MYH7B: variants seen among roughly 807,000 people sequenced by gnomAD.
MYH7B encodes the protein myosin-7B.
Under a neutral mutation model 234.5 loss-of-function variants are expected in MYH7B, and 205 were observed. That is an observed-to-expected ratio of 0.87 (90% CI 0.78 to 0.98). The LOEUF (loss-of-function observed/expected upper bound fraction) is 0.98, where lower values mean the gene tolerates loss of function less well. Among genes scored for constraint, MYH7B ranks in the 50% least tolerant of loss-of-function variants. The pLI is 0.00. For synonymous variants in MYH7B, 1,193 were observed against 1,105.0 expected, an observed-to-expected ratio of 1.08 and a Z score of -1.58; for missense variants, 2,652 against 2,633.4, an observed-to-expected ratio of 1.01 and a Z score of -0.15.
intron 2 of MYH7B, among the ~76,000 whole-genome samples, chr20:34,964,974 G>A (rs1279486396): frequency 6.7e-6 from 1 of 148,222 alleles, no homozygotes; most frequent in Non-Finnish European, 1.5e-5. Flanking sequence ...ACTCTTATGT[G>A]CCAGGCACTT....
exon 42 of MYH7B, chr20:35,001,280 G>A: frequency 6.2e-7 from 1 of 1,612,990 alleles, no homozygotes; most frequent in Admixed American, 1.7e-5. Context: ...ATGCAGAGCA[G>A]AAGAAGCACG....
chr20:34,998,479 C>T (rs756158639), intron 33 of MYH7B, 32 bp from the exon 34 acceptor site: 7 of 1,612,360 alleles, frequency 4.3e-6, no homozygotes, highest in Admixed American at 1.7e-5. Context: ...CCCTCACCAG[C>T]CTGACCTGTC....
chr20:34,997,303 C>A (rs754073179), exon 32 of MYH7B: 23 of 1,553,772 alleles, frequency 1.5e-5, no homozygotes, highest in Non-Finnish European at 2.0e-5. Flanking sequence ...GCAGCCCGGG[C>A]CCGCGTGGAG....
At chr20:34,998,775 G>C in exon 35 of MYH7B, 2 of 1,613,008 alleles carry the variant, frequency 1.2e-6, no homozygotes, top group Non-Finnish European at 1.7e-6. Context: ...GTGACCTCCT[G>C]CGGGAGCAAC....
In MYH7B at chr20:34,984,723, T is replaced by C; in HGVS notation, c.648+8T>C. 6.2e-7 allele frequency: 1 copy of C among 1,606,406 alleles called. No homozygotes were observed. The highest frequency in any genetic ancestry group is 1.7e-5 in the Admixed American group (1 of 57,170). ...CTGGCAACAAAGACGGGGGTGAGTA[T>C]GGGGCCAATGTCAATGGGGCAGCCC... is the stretch of plus-strand genomic sequence containing the variant. On this transcript the variant is annotated splice_region_variant and intron_variant, in intron 11 of 44. Transcript: ENST00000262873.
intron 19 of MYH7B, among the ~76,000 whole-genome samples, chr20:34,989,085 C>T (rs1262636253): frequency 6.6e-6 from 1 of 152,236 alleles, no homozygotes; most frequent in Non-Finnish European, 1.5e-5. Flanking sequence ...GCTGGGATTA[C>T]AGGCGTGGGC....
In MYH7B at chr20:34,975,518, G is replaced by T. The variant is rs1300337512; in HGVS notation, c.-122+19G>T. The T allele has an allele frequency of 1.4e-6, 1 of 709,706 alleles. No individual in the cohort carries two copies. The highest frequency in any genetic ancestry group is 1.5e-5 in the South Asian group (1 of 66,260). 44.0% of individuals were successfully genotyped at this position (709,706 alleles called of 1,614,324 possible). On this transcript the variant is annotated intron_variant, in intron 3 of 44. Coordinates refer to ENST00000262873, the Ensembl canonical transcript of MYH7B. ...ACATGAGGTACTGTGCCTGACCCAG[G>T]GTATGTTTACTTTGAGAAAATTCAT...
At chr20:34,990,893 G>C in intron 23 of MYH7B, 68 bp downstream of exon 23, 4 of 1,590,266 alleles carry the variant, frequency 2.5e-6, no homozygotes, top group Non-Finnish European at 3.5e-6. Context: ...GCAGAGGCCG[G>C]GAGGCTGAGT....
chr20:34,999,593 C>T (rs1478335489), exon 37 of MYH7B: 1 of 1,612,156 alleles, frequency 6.2e-7, no homozygotes, highest in South Asian at 1.1e-5. Flanking sequence ...ACCTCACAGA[C>T]CAGGTGAGTC....
intron 27 of MYH7B, among the ~76,000 whole-genome samples, 159 bp from the exon 28 acceptor site, chr20:34,995,177 C>G (rs1306215470): frequency 1.3e-5 from 2 of 152,240 alleles, no homozygotes; most frequent in African/African-American, 2.4e-5. Flanking sequence ...TGCGCTATTG[C>G]CCTTCCATGC....
At chr20:34,990,770 G>A in exon 23 of MYH7B, 1 of 1,614,126 alleles carries the variant, frequency 6.2e-7, no homozygotes, top group East Asian at 2.2e-5. Context: ...CCAACCTGCG[G>A]GCCACACAGC....
intron 17 of MYH7B, 23 bp from the exon 18 acceptor site, chr20:34,987,742 G>C (rs1374985345): frequency 6.2e-7 from 1 of 1,613,864 alleles, no homozygotes; most frequent in Non-Finnish European, 8.5e-7. Context: ...CCAGGTCCCA[G>C]CCCAGCCTCC....
At position 35,000,575 on chromosome 20, in the gene MYH7B, G is replaced by A; in HGVS notation, c.5064G>A (p.Leu1688=). 1.9e-6 allele frequency: 3 copies of A among 1,570,070 alleles called. No individual in the cohort carries two copies. The highest frequency in any genetic ancestry group is 2.6e-6 in the Non-Finnish European group (3 of 1,163,170). Residue 1688 remains leucine, a synonymous_variant, in exon 39 of 45, where the codon CTG becomes CTA. Transcript: ENST00000262873. ...CTCTGGAGCGCCGGGCCTCGCTGCT[G>A]GCTGCGGAGCTGGAGGAGCTGCGGG... is the stretch of plus-strand genomic sequence containing the variant.
chr20:34,963,873 A>T (rs1255014165), intron 2 of MYH7B, among the ~76,000 whole-genome samples: 1 of 152,120 alleles, frequency 6.6e-6, no homozygotes. Context: ...ATTCTTGTGC[A>T]GCTTGCTTTT....
In MYH7B at chr20:35,001,531, G is replaced by A. The variant is rs777506489; in HGVS notation, c.5676+5G>A. ...AAGCGCCAGTTTGAGGAGGCGGTGA[G>A]TGCGCTGGGGCCTGGACACCTGGAC... is the stretch of plus-strand genomic sequence containing the variant. On this transcript the variant is annotated splice_donor_5th_base_variant and intron_variant, in intron 43 of 44. Transcript: ENST00000262873. The A allele has an allele frequency of 2.5e-6, 4 of 1,598,698 alleles. No individual in the cohort carries two copies. In the Admixed American group the frequency reaches 6.9e-5, roughly 28 times the overall value.
chr20:34,999,530 C>T (rs1307736455), intron 36 of MYH7B, 41 bp from the exon 37 acceptor site: 2 of 1,556,642 alleles, frequency 1.3e-6, no homozygotes, highest in African/African-American at 2.7e-5. Flanking sequence ...GGTGGGAGTA[C>T]AAGCCATGGG....
At chr20:34,983,842 G>A (rs1221443474) in intron 10 of MYH7B, among the ~76,000 whole-genome samples, 1 of 152,188 alleles carries the variant, frequency 6.6e-6, no homozygotes, top group Non-Finnish European at 1.5e-5. Context: ...AGTCCGTGGT[G>A]GTATATCTGT....
chr20:34,997,614 A>T, exon 32 of MYH7B: 1 of 1,613,630 alleles, frequency 6.2e-7, no homozygotes, highest in Non-Finnish European at 8.5e-7. Context: ...CCTGGCTGCC[A>T]ACGTGGAGAC....
At position 35,000,228 on chromosome 20, in the gene MYH7B, T is replaced by C. The variant is rs573999003; in HGVS notation, c.4782-65T>C. 3.3e-5 allele frequency: 49 copies of C among 1,500,556 alleles called. No individual in the cohort carries two copies. The Admixed American group carries it at 1.1e-3, about 32-fold the overall frequency. The allele number at this position is 1,500,556 out of a possible 1,614,324, so 93.0% of individuals were successfully genotyped here. A position where few individuals can be genotyped will look rare whatever the true frequency, so the allele number is the denominator to read the frequency against. On this transcript the variant is annotated intron_variant, in intron 38 of 44. Coordinates refer to ENST00000262873, the Ensembl canonical transcript of MYH7B. ...AAAATGGGTTCGTTTCCAACGGTCC[T>C]TGGGCATTTGTAAGGACAGGTATGC...
Sources: allele counts gnomAD v4.1 joint callset (sites outside exome capture counted in the v4.1 genomes callset), GRCh38; gene constraint gnomAD v4.1.1; transcripts MANE v1.5; gene names NCBI Gene and HGNC (gene_info 2026-07-23, HGNC 2026-07-21).